The following PNPLA8 variants were observed in gnomAD, a reference collection of about 807,000 sequenced individuals.
PNPLA8 encodes the protein calcium-independent phospholipase A2-gamma.
PNPLA8 carries 39 observed loss-of-function variants against 76.9 expected under a neutral mutation model. That is an observed-to-expected ratio of 0.51 (90% CI 0.39 to 0.66). PNPLA8 has a LOEUF of 0.66. Among genes scored for constraint, PNPLA8 ranks in the 30% least tolerant of loss-of-function variants. The pLI, the probability that PNPLA8 is intolerant of heterozygous loss-of-function variation, is 0.00. For synonymous variants in PNPLA8, 301 were observed against 307.9 expected, an observed-to-expected ratio of 0.98 and a Z score of 0.24; for missense variants, 887 against 918.0, an observed-to-expected ratio of 0.97 and a Z score of 0.44.
rs1448594898 is a variant in PNPLA8, at chr7:108,479,274, G to A, written c.1984C>T (p.Arg662Cys). Residue 662 changes from arginine to cysteine, a missense_variant, in exon 10 of 11, where the codon CGT becomes TGT. By Grantham distance (180) the Arg-to-Cys change is radical. Coordinates refer to ENST00000257694, the MANE Select transcript of PNPLA8 (RefSeq NM_001256007.3). ...GTGTTTCTCACATCACTCTCATAAC[G>A]TCCAGTGCCCAGGGATACTATGCAC... ...LECIVSLGTGRYESDVRNTVT... is the reference protein window; with the variant it reads ...LECIVSLGTGCYESDVRNTVT... 1.9e-6 allele frequency: 3 copies of A among 1,612,174 alleles called. No homozygotes were observed. Among genetic ancestry groups the A allele is most frequent in the Admixed American group, 1.7e-5 (1 of 59,966 alleles).
In PNPLA8 at chr7:108,479,189, G is replaced by C. The variant is rs1031755128; in HGVS notation, c.2069C>G (p.Thr690Arg). The change falls in exon 10 of 11, where the codon ACA becomes AGA. Residue 690 changes from threonine to arginine, a missense_variant. By Grantham distance (71) the Thr-to-Arg change is moderately conservative. Transcript: ENST00000257694. ...LSNVINSATD[T>R]EEVHIMLDGL... ...AAGCAGCAAACAAGACTAACCTTCTGTATCTGTAGCACTGTTGATAACATT... is the reference window on the plus strand; with the variant it reads ...AAGCAGCAAACAAGACTAACCTTCTCTATCTGTAGCACTGTTGATAACATT... The C allele has an allele frequency of 2.2e-5, 35 of 1,604,406 alleles. No individual in the cohort carries two copies. The highest frequency in any genetic ancestry group is 2.6e-5 in the Non-Finnish European group (31 of 1,172,290).
At chr7:108,479,462 T>C (rs1032717134) in intron 9 of PNPLA8, 83 bp from the exon 10 acceptor site, 1 of 959,096 alleles carries the variant, frequency 1.0e-6, no homozygotes, top group Non-Finnish European at 1.6e-6. Flanking sequence ...AAATAAATTA[T>C]TTAAAACCAA....
At chr7:108,510,097 C>T (rs1395630333) in intron 4 of PNPLA8, 4 of 496,244 alleles carry the variant, frequency 8.1e-6, no homozygotes, top group African/African-American at 6.4e-5. Context: ...TTAGTGGGTG[C>T]AGCGCACCAG....
At chr7:108,496,795 A>G in intron 6 of PNPLA8, 40 bp from the exon 7 acceptor site, 1 of 1,441,772 alleles carries the variant, frequency 6.9e-7, no homozygotes, top group Non-Finnish European at 9.3e-7. Context: ...GTGTTAAGTT[A>G]TAGCCCTTAT....
chr7:108,478,178 C>T (rs1860132542), intron 10 of PNPLA8, among the ~76,000 whole-genome samples: 1 of 152,084 alleles, frequency 6.6e-6, no homozygotes, highest in Admixed American at 6.5e-5. Context: ...GTCCCTCTGA[C>T]ATTTCAACAG....
intron 5 of PNPLA8, 22 bp downstream of exon 5, chr7:108,502,469 A>AAAG: frequency 1.4e-6 from 2 of 1,387,596 alleles, no homozygotes; most frequent in Non-Finnish European, 1.9e-6. Flanking sequence ...AAAAAAAAAA[A>AAAG]GAATCATGTT....
intron 7 of PNPLA8, among the ~76,000 whole-genome samples, chr7:108,493,088 A>C (rs1861300854): frequency 6.6e-6 from 1 of 152,202 alleles, no homozygotes; most frequent in South Asian, 2.1e-4. Context: ...CAAACCACAG[A>C]GTCATGAGAC....
chr7:108,483,323 G>A (rs1432135374), intron 9 of PNPLA8, among the ~76,000 whole-genome samples: 1 of 152,164 alleles, frequency 6.6e-6, no homozygotes, highest in Non-Finnish European at 1.5e-5. Flanking sequence ...TGAGATAACT[G>A]GGATATACAG....
chr7:108,479,227 T>C lies in PNPLA8; in HGVS notation c.2031A>G (p.Lys677=). ...VRNTVTYTSL[K]TKLSNVINSA... is the part of the protein sequence containing the mutation. Reference sequence around the variant, plus strand: ...TGTTGATAACATTAGAAAGTTTAGTTTTCAAGCTTGTGTATGTTACCGTGT... The same window carrying C: ...TGTTGATAACATTAGAAAGTTTAGTCTTCAAGCTTGTGTATGTTACCGTGT... Residue 677 remains lysine (K), a synonymous_variant, in exon 10 of 11, where the codon AAA becomes AAG. Coordinates refer to ENST00000257694, the MANE Select transcript of PNPLA8 (RefSeq NM_001256007.3). 3.7e-6 allele frequency: 6 copies of C among 1,613,704 alleles called. No individual in the cohort carries two copies. The highest frequency in any genetic ancestry group is 5.1e-6 in the Non-Finnish European group (6 of 1,179,634).
Position 108,470,680 on chromosome 7 carries a change from GTTA to G in PNPLA8, c.*1718_*1720del, listed in dbSNP as rs1859580646. 6.6e-6 allele frequency: 1 copy of G among 152,082 alleles called. No individual in the cohort carries two copies. Among genetic ancestry groups the G allele is most frequent in the East Asian group, 1.9e-4 (1 of 5,196 alleles). The allele number at this position is 152,082 out of a possible 1,614,324, so 9.4% of individuals were successfully genotyped here. ...ATTTACAAGTTGTTCTTAGTTGCAT[GTTA>G]TTATGTATTATTTGTGGTCTGAAAG... On this transcript the variant is annotated 3_prime_UTR_variant, in exon 11 of 11. Coordinates refer to ENST00000257694, the MANE Select transcript of PNPLA8 (RefSeq NM_001256007.3).
intron 4 of PNPLA8, among the ~76,000 whole-genome samples, chr7:108,513,278 T>C (rs1325371843): frequency 2.6e-5 from 4 of 152,062 alleles, no homozygotes; most frequent in African/African-American, 9.7e-5. Flanking sequence ...TAAGATTATA[T>C]AAATATAAAA....
chr7:108,478,257 C>T (rs1261317719), intron 10 of PNPLA8, among the ~76,000 whole-genome samples: 1 of 152,084 alleles, frequency 6.6e-6, no homozygotes, highest in Non-Finnish European at 1.5e-5. Flanking sequence ...AGTACAGCAA[C>T]TGCAGAGGCC....
chr7:108,493,204 A>G (rs1861309808), intron 7 of PNPLA8, among the ~76,000 whole-genome samples: 1 of 152,218 alleles, frequency 6.6e-6, no homozygotes, highest in South Asian at 2.1e-4. Flanking sequence ...GACACTGATA[A>G]AATTTATCAA....
Position 108,514,618 on chromosome 7 carries a change from A to G in PNPLA8, c.874T>C (p.Ser292Pro). ...STKQSIANFLSRPTEGVQALV... is the reference protein window; with the variant it reads ...STKQSIANFLPRPTEGVQALV... ...GCTTGTACACCTTCCGTGGGACGAG[A>G]AAGAAAGTTAGCAATACTTTGTTTA... The change falls in exon 3 of 11, where the codon TCT (serine) becomes CCT (proline). Residue 292 changes from serine (S) to proline (P), a missense_variant. Ser to Pro is a moderately conservative substitution (Grantham distance 74). Transcript: ENST00000257694. 1 of 1,614,066 alleles carries G rather than the reference A, an allele frequency of 6.2e-7. No homozygotes were observed. Among genetic ancestry groups the G allele is most frequent in the African/African-American group, 1.3e-5 (1 of 75,042 alleles).
chr7:108,513,382 A>G (rs1452805395), intron 4 of PNPLA8, among the ~76,000 whole-genome samples: 1 of 152,116 alleles, frequency 6.6e-6, no homozygotes, highest in Non-Finnish European at 1.5e-5. Flanking sequence ...TACATTATTC[A>G]AAGACAATTT....
chr7:108,495,218 T>C (rs1044872911), intron 7 of PNPLA8, among the ~76,000 whole-genome samples: 2 of 152,228 alleles, frequency 1.3e-5, no homozygotes, highest in African/African-American at 4.8e-5. Context: ...AGAAATTTAC[T>C]TTACTTAAAG....
chr7:108,475,006 G>C (rs1214506345), intron 10 of PNPLA8, among the ~76,000 whole-genome samples: 3 of 152,118 alleles, frequency 2.0e-5, no homozygotes, highest in Admixed American at 1.3e-4. Flanking sequence ...TCCATCGCTT[G>C]CATTACTGCC....
chr7:108,511,039 GGA>G, intron 4 of PNPLA8: 3 of 331,628 alleles, frequency 9.0e-6, no homozygotes, highest in Admixed American at 8.4e-5. Flanking sequence ...CTCTCAAATT[GGA>G]AAAAAAAAAA....
chr7:108,498,648 A>G lies in PNPLA8; in HGVS notation c.1359-1071T>C, dbSNP rs145668906. On this transcript the variant is annotated intron_variant, in intron 5 of 10. Coordinates refer to ENST00000257694, the MANE Select transcript of PNPLA8 (RefSeq NM_001256007.3). Reference sequence around the variant, plus strand: ...CAATAACTTCAGGTTAACCCTCTATATTAATGGTATATTAATTAATGTTGC... The same window carrying G: ...CAATAACTTCAGGTTAACCCTCTATGTTAATGGTATATTAATTAATGTTGC... Among the ~76,000 whole-genome samples, 434 of 152,144 alleles carry G rather than the reference A, an allele frequency of 2.9e-3. 1 individual carries two copies. The highest frequency in any genetic ancestry group is 9.8e-3 in the African/African-American group (408 of 41,504).
Sources: allele counts gnomAD v4.1 joint callset (sites outside exome capture counted in the v4.1 genomes callset), GRCh38; gene constraint gnomAD v4.1.1; transcripts MANE v1.5; gene names NCBI Gene and HGNC (gene_info 2026-07-23, HGNC 2026-07-21).